DNER: variants seen among roughly 807,000 people sequenced by gnomAD.
The protein encoded by DNER is delta and Notch-like epidermal growth factor-related receptor.
DNER carries 33 observed loss-of-function variants against 78.2 expected under a neutral mutation model. The observed-to-expected ratio is 0.42, with a 90% CI of 0.32 to 0.56. DNER has a LOEUF of 0.56. Ranked by LOEUF, DNER falls within the 20% of genes least tolerant of loss-of-function variation. The pLI is 0.11. For synonymous variants in DNER, 417 were observed against 384.8 expected (o/e 1.08, Z -0.98); for missense variants, 918 against 975.3 (o/e 0.94, Z 0.78).
intron 1 of DNER, among the ~76,000 whole-genome samples, chr2:229,702,773 C>T (rs929653194): frequency 2.6e-5 from 4 of 151,774 alleles, no homozygotes; most frequent in Admixed American, 6.6e-5. Context: ...AAAAATTAGC[C>T]GGGCGTGGTG....
chr2:229,602,434 G>C (rs1478146008), intron 1 of DNER, among the ~76,000 whole-genome samples: 2 of 152,106 alleles, frequency 1.3e-5, no homozygotes, highest in Non-Finnish European at 2.9e-5. Context: ...AGAAAGCAAG[G>C]ATGTTTGCTA....
chr2:229,607,186 CT>C (rs989902421), intron 1 of DNER, among the ~76,000 whole-genome samples: 25 of 152,188 alleles, frequency 1.6e-4, no homozygotes, highest in Admixed American at 5.2e-4. Context: ...AGATCTAAAA[CT>C]TTTTTTTAAT....
At chr2:229,476,162 C>A (rs1038929779) in intron 7 of DNER, among the ~76,000 whole-genome samples, 1 of 152,202 alleles carries the variant, frequency 6.6e-6, no homozygotes, top group Non-Finnish European at 1.5e-5. Flanking sequence ...CTCCGGCCCC[C>A]ACCCTGGCCC....
chr2:229,505,458 G>A (rs1162916366), intron 6 of DNER, among the ~76,000 whole-genome samples: 1 of 151,396 alleles, frequency 6.6e-6, no homozygotes, highest in African/African-American at 2.5e-5. Flanking sequence ...AGTAGAGCCG[G>A]GGGGGTCCCC....
At chr2:229,510,241 A>C (rs1196602144) in intron 6 of DNER, among the ~76,000 whole-genome samples, 1 of 152,262 alleles carries the variant, frequency 6.6e-6, no homozygotes, top group African/African-American at 2.4e-5. Flanking sequence ...AAGGATTTCA[A>C]TCGTTGTTCA....
chr2:229,694,704 C>T (rs1015578773), intron 1 of DNER, among the ~76,000 whole-genome samples: 2 of 152,202 alleles, frequency 1.3e-5, no homozygotes, highest in Non-Finnish European at 2.9e-5. Flanking sequence ...GGTGTATTTA[C>T]CCAATGCCTG....
chr2:229,430,687 A>AATATATATATATATATAT (rs58809747), intron 8 of DNER, among the ~76,000 whole-genome samples: 1 of 144,594 alleles, frequency 6.9e-6, no homozygotes, highest in Non-Finnish European at 1.5e-5. Flanking sequence ...ATACTTAGTA[A>AATATATATATATATATAT]ATATATATAT....
chr2:229,421,972 C>A (rs1053705731), intron 8 of DNER, among the ~76,000 whole-genome samples: 4 of 152,094 alleles, frequency 2.6e-5, no homozygotes, highest in African/African-American at 9.7e-5. Context: ...AAAACAGTAT[C>A]ATTATCTTTT....
intron 9 of DNER, among the ~76,000 whole-genome samples, chr2:229,413,938 CATCT>C (rs1300665187): frequency 1.3e-5 from 2 of 151,916 alleles, no homozygotes; most frequent in African/African-American, 4.8e-5. Context: ...TAAACCCATC[CATCT>C]GACAGTTTCC....
intron 9 of DNER, among the ~76,000 whole-genome samples, chr2:229,414,622 A>G (rs969936773): frequency 4.6e-5 from 7 of 152,062 alleles, no homozygotes; most frequent in Non-Finnish European, 1.0e-4. Flanking sequence ...CCTTCAACAC[A>G]TGGCTTTGTT....
At chr2:229,429,355 T>G (rs1693955517) in intron 8 of DNER, among the ~76,000 whole-genome samples, 1 of 152,188 alleles carries the variant, frequency 6.6e-6, no homozygotes, top group Non-Finnish European at 1.5e-5. Context: ...GTGTCACATC[T>G]TCCATTAAGG....
intron 1 of DNER, among the ~76,000 whole-genome samples, chr2:229,623,328 T>C (rs939478027): frequency 1.3e-5 from 2 of 152,126 alleles, no homozygotes; most frequent in Non-Finnish European, 2.9e-5. Context: ...CCACCCACCT[T>C]CTTTGCAACT....
intron 10 of DNER, among the ~76,000 whole-genome samples, chr2:229,405,627 T>G (rs1024778024): frequency 2.6e-5 from 4 of 152,182 alleles, no homozygotes; most frequent in African/African-American, 9.7e-5. Context: ...CATATATTTT[T>G]AAGTAAAAAG....
intron 1 of DNER, among the ~76,000 whole-genome samples, chr2:229,610,823 G>A (rs1366575662): frequency 6.6e-6 from 1 of 152,238 alleles, no homozygotes; most frequent in Non-Finnish European, 1.5e-5. Flanking sequence ...TGTGTACGCT[G>A]CTTACATCCA....
At chr2:229,569,364 A>T (rs1193581661) in intron 4 of DNER, among the ~76,000 whole-genome samples, 3 of 152,160 alleles carry the variant, frequency 2.0e-5, no homozygotes, top group African/African-American at 7.2e-5. Flanking sequence ...TCTACTAAAA[A>T]TACAAAAGTT....
intron 9 of DNER, among the ~76,000 whole-genome samples, 155 bp downstream of exon 9, chr2:229,417,953 T>G (rs955279305): frequency 6.6e-6 from 1 of 152,184 alleles, no homozygotes; most frequent in East Asian, 1.9e-4. Context: ...GACTTGCAAA[T>G]TGGTCTCCTT....
chr2:229,391,269 G>T (rs115642144), intron 10 of DNER, among the ~76,000 whole-genome samples: 3,346 of 152,126 alleles, frequency 0.022, 109 homozygotes, highest in African/African-American at 0.076. Context: ...ATCAATATTC[G>T]TTTTAACTTA....
At chr2:229,548,509 A>C (rs1296833385) in intron 4 of DNER, among the ~76,000 whole-genome samples, 1 of 152,054 alleles carries the variant, frequency 6.6e-6, no homozygotes, top group Non-Finnish European at 1.5e-5. Context: ...ACCAAACACC[A>C]CATGTTCTCA....
chr2:229,437,707 G>A lies in DNER; in HGVS notation c.1486+9609C>T, dbSNP rs75235861. On this transcript the variant is annotated intron_variant, in intron 8 of 12. Coordinates refer to ENST00000341772, the MANE Select transcript of DNER (RefSeq NM_139072.4). Reference sequence around the variant, plus strand: ...CTTGTGGGAAGGCGTGCTACTGAAGGAACATGTCATCAAAGCTATCTCAAA... The same window carrying A: ...CTTGTGGGAAGGCGTGCTACTGAAGAAACATGTCATCAAAGCTATCTCAAA... 2.3e-3 allele frequency among the ~76,000 whole-genome samples: 344 copies of A among 152,180 alleles called. 6 individuals are homozygous for A. The East Asian group carries it at 0.056, about 25-fold the overall frequency.
Sources: allele counts gnomAD v4.1 joint callset (sites outside exome capture counted in the v4.1 genomes callset), GRCh38; gene constraint gnomAD v4.1.1; transcripts MANE v1.5; gene names NCBI Gene and HGNC (gene_info 2026-07-23, HGNC 2026-07-21).